USP40: variants seen among roughly 807,000 people sequenced by gnomAD.
The protein encoded by USP40 is ubiquitin specific peptidase 40.
USP40 carries 143 observed loss-of-function variants against 166.2 expected under a neutral mutation model. That is an observed-to-expected ratio of 0.86 (90% CI 0.75 to 0.99). The LOEUF (loss-of-function observed/expected upper bound fraction) is 0.99. Among genes scored for constraint, USP40 ranks in the 50% least tolerant of loss-of-function variants. The pLI is 0.00. For missense variants in USP40, 1,444 were observed against 1,479.7 expected (o/e 0.98, Z 0.40); for synonymous variants, 498 against 524.0 (o/e 0.95, Z 0.68).
chr2:233,561,096 T>C, intron 3 of USP40: 1 of 1,504,556 alleles, frequency 6.6e-7, no homozygotes, highest in South Asian at 1.2e-5. Context: ...AGCCACTTAA[T>C]TCCTTCTTTA....
chr2:233,565,696 C>T, intron 1 of USP40, 123 bp from the exon 2 acceptor site: 1 of 885,584 alleles, frequency 1.1e-6, no homozygotes. Flanking sequence ...TTTCTATGTA[C>T]AGTAGTTGGG....
rs774503629 is a variant in USP40, at chr2:233,493,587, A to G, written c.2791-36T>C. 3 of 1,573,702 alleles carry G rather than the reference A, an allele frequency of 1.9e-6. No individual in the cohort carries two copies. The African/African-American group carries it at 4.1e-5, about 21-fold the overall frequency. On this transcript the variant is annotated intron_variant, in intron 24 of 31. Coordinates refer to ENST00000678225, the MANE Select transcript of USP40 (RefSeq NM_001365479.2). This position sits in a 1 kb window ranked among gnomAD's most constrained non-coding sequence, Gnocchi z 4.7. ...GAGCATGTTTAACTGCTGTGATTACAAAGATTAAGTGAAACTCTACTTTTA... is the reference window on the plus strand; with the variant it reads ...GAGCATGTTTAACTGCTGTGATTACGAAGATTAAGTGAAACTCTACTTTTA...
intron 5 of USP40, among the ~76,000 whole-genome samples, chr2:233,556,055 G>A (rs1216078739): frequency 1.3e-5 from 2 of 151,202 alleles, no homozygotes; most frequent in African/African-American, 4.9e-5. Context: ...GGTGGAACTT[G>A]CAGTGAGCTG....
intron 26 of USP40, among the ~76,000 whole-genome samples, chr2:233,490,160 CTTT>C (rs545796570): frequency 1.1e-3 from 144 of 131,658 alleles, no homozygotes; most frequent in African/African-American, 4.1e-3. Flanking sequence ...TTCTTTTCTC[CTTT>C]TTTTTTTTTT....
intron 5 of USP40, 158 bp downstream of exon 5, chr2:233,556,697 T>C (rs1350137774): frequency 1.6e-5 from 9 of 568,950 alleles, no homozygotes; most frequent in African/African-American, 3.9e-5. Context: ...ATCTGGATTA[T>C]AGGCTCATGA....
intron 24 of USP40, among the ~76,000 whole-genome samples, chr2:233,496,453 T>G (rs1337053982): frequency 2.6e-5 from 4 of 152,230 alleles, no homozygotes; most frequent in Non-Finnish European, 1.5e-5. Flanking sequence ...ACAATGAGGA[T>G]ATAGATCAAT....
intron 3 of USP40, chr2:233,560,868 G>A: frequency 1.7e-6 from 1 of 580,770 alleles, no homozygotes. Flanking sequence ...ACTTCTGGGG[G>A]AAGCTAATGT....
At chr2:233,498,469 T>G in intron 23 of USP40, 79 bp downstream of exon 23, 1 of 1,263,590 alleles carries the variant, frequency 7.9e-7, no homozygotes, top group Non-Finnish European at 1.1e-6. Context: ...AGCTTTCTCA[T>G]GAGTGGAATG....
chr2:233,562,357 C>T (rs1377869220), intron 3 of USP40, among the ~76,000 whole-genome samples: 1 of 150,194 alleles, frequency 6.7e-6, no homozygotes, highest in African/African-American at 2.5e-5. Context: ...AACTGTGGCA[C>T]ATATACACCA....
chr2:233,486,023 AACC>A lies in USP40; in HGVS notation c.3198-49_3198-47del, dbSNP rs1294855969. On this transcript the variant is annotated intron_variant, in intron 28 of 31. Transcript: ENST00000678225. The surrounding 1 kb of genome is among the most constrained non-coding windows in gnomAD (Gnocchi z 4.0). The stretch of plus-strand genomic sequence containing the variant: ...GCGCCAGATCCAAACAAACAAACAA[AACC>A]ACGTGGTAACTTGAGGCATAATGGG... 1 of 1,524,890 alleles carries A rather than the reference AACC, an allele frequency of 6.6e-7. No homozygotes were observed. The highest frequency in any genetic ancestry group is 8.8e-7 in the Non-Finnish European group (1 of 1,139,998). The allele number at this position is 1,524,890 out of a possible 1,614,324, so 94.5% of individuals were successfully genotyped here.
At chr2:233,513,517 T>C (rs2066972296) in intron 18 of USP40, among the ~76,000 whole-genome samples, 3 of 152,174 alleles carry the variant, frequency 2.0e-5, no homozygotes, top group African/African-American at 2.4e-5. Context: ...AATTGTGCCC[T>C]GAAGAGCTGG....
At chr2:233,519,976 C>T (rs971167184) in intron 17 of USP40, among the ~76,000 whole-genome samples, 1 of 152,092 alleles carries the variant, frequency 6.6e-6, no homozygotes, top group Non-Finnish European at 1.5e-5. Flanking sequence ...AGGCAATAAG[C>T]TGACAAACCA....
intron 13 of USP40, among the ~76,000 whole-genome samples, chr2:233,525,817 C>G (rs2067985072): frequency 6.6e-6 from 1 of 152,168 alleles, no homozygotes; most frequent in African/African-American, 2.4e-5. Context: ...ACCATCTAAA[C>G]AATTCTGCTT....
intron 21 of USP40, among the ~76,000 whole-genome samples, chr2:233,503,668 C>A (rs1044961945): frequency 2.0e-5 from 3 of 152,064 alleles, no homozygotes; most frequent in African/African-American, 7.2e-5. Context: ...TCATATCCAG[C>A]AAAGCTATCC....
Position 233,523,279 on chromosome 2 carries a change from C to T in USP40, c.2092G>A (p.Gly698Arg). ...TTGGGGATGGCCGTCCAACCCTCCC[C>T]ACCTGGACATCCAGCACTGTTGATG... ...IFINSAGCPGGEGWTAIPKED... is the reference protein window; with the variant it reads ...IFINSAGCPGREGWTAIPKED... Residue 698 changes from glycine (G) to arginine (R), a missense_variant, in exon 16 of 32, where the codon GGG (glycine) becomes AGG (arginine). Coordinates refer to ENST00000678225, the MANE Select transcript of USP40 (RefSeq NM_001365479.2). The T allele has an allele frequency of 6.2e-7, 1 of 1,614,030 alleles. No homozygotes were observed. The highest frequency in any genetic ancestry group is 1.1e-5 in the South Asian group (1 of 91,080).
intron 8 of USP40, among the ~76,000 whole-genome samples, chr2:233,544,910 C>G (rs1246190257): frequency 1.3e-5 from 2 of 152,172 alleles, no homozygotes; most frequent in African/African-American, 4.8e-5. Context: ...CAAATTCATA[C>G]TAGCTGTATT....
intron 21 of USP40, among the ~76,000 whole-genome samples, chr2:233,508,495 G>A (rs924647593): frequency 6.6e-6 from 1 of 152,262 alleles, no homozygotes; most frequent in East Asian, 1.9e-4. Context: ...TAGACCTAGA[G>A]GCTTATTCAG....
At chr2:233,538,928 T>C (rs770840049) in intron 10 of USP40, among the ~76,000 whole-genome samples, 4 of 151,932 alleles carry the variant, frequency 2.6e-5, no homozygotes, top group Non-Finnish European at 4.4e-5. Flanking sequence ...ACTCAGGAGG[T>C]TGAGCTAGGA....
rs547362256 is a variant in USP40, at chr2:233,523,934, C to T, written c.1882-445G>A. ...AGCACGTATGGTGCAGTTCTTCACA[C>T]GACGAGGGCCTAAAAGGACACAGAT... is the stretch of plus-strand genomic sequence containing the variant. On this transcript the variant is annotated intron_variant, in intron 15 of 31. Transcript: ENST00000678225. 5.9e-5 allele frequency among the ~76,000 whole-genome samples: 9 copies of T among 152,244 alleles called. No individual in the cohort carries two copies. The East Asian group carries it at 9.7e-4, about 16-fold the overall frequency.
Sources: gnomAD v4.1 joint callset for allele counts (sites outside exome capture counted in the v4.1 genomes callset) on GRCh38, gnomAD v4.1.1 for gene constraint, Gnocchi (gnomAD v3.1) non-coding constraint, MANE v1.5 for transcripts, NCBI Gene and HGNC (gene_info 2026-07-23, HGNC 2026-07-21) for gene names.